Variants in NSD2 observed in about 807,000 individuals in gnomAD.
NSD2 encodes the protein nuclear receptor binding SET domain protein 2.
NSD2 carries 12 observed loss-of-function variants against 139.0 expected under a neutral mutation model. The ratio of observed to expected loss-of-function variants is 0.09; its 90% CI spans 0.06 to 0.14. The LOEUF (loss-of-function observed/expected upper bound fraction) is 0.14, where lower values mean the gene tolerates loss of function less well. Ranked by LOEUF, NSD2 falls within the 10% of genes least tolerant of loss-of-function variation. The pLI is 1.00. For synonymous variants in NSD2, 669 were observed against 648.7 expected (o/e 1.03, Z -0.48); for missense variants, 1,155 against 1,745.0 (o/e 0.66, Z 6.02).
At chr4:1,875,949 C>T (rs1013978019) in intron 1 of NSD2, among the ~76,000 whole-genome samples, 5 of 150,454 alleles carry the variant, frequency 3.3e-5, no homozygotes, top group African/African-American at 4.9e-5. Flanking sequence ...GGTGCGGTGG[C>T]TCAAGCTTGT....
chr4:1,882,893 A>T (rs915884002), intron 1 of NSD2, among the ~76,000 whole-genome samples: 2 of 152,134 alleles, frequency 1.3e-5, no homozygotes, highest in South Asian at 2.1e-4. Context: ...TGTGTCCTTC[A>T]TGTGATTCTG....
intron 1 of NSD2, among the ~76,000 whole-genome samples, chr4:1,871,792 A>C (rs1336916597): frequency 7.3e-6 from 1 of 137,236 alleles, no homozygotes; most frequent in African/African-American, 2.8e-5. Flanking sequence ...GGCCGGCGGG[A>C]GGACCGGGCG....
At position 1,979,767 on chromosome 4, in the gene NSD2, A is replaced by G. The variant is rs1156374244; in HGVS notation, c.*858A>G. ...CCAGTTTCTGATTTTTATTCTCAATATATTTTTGCTAAACCTATTTCACAA... is the reference window on the plus strand; with the variant it reads ...CCAGTTTCTGATTTTTATTCTCAATGTATTTTTGCTAAACCTATTTCACAA... On this transcript the variant is annotated 3_prime_UTR_variant, in exon 22 of 22. Coordinates refer to ENST00000508803, the MANE Select transcript of NSD2 (RefSeq NM_001042424.3). 1 of 231,992 alleles carries G rather than the reference A, an allele frequency of 4.3e-6. No homozygotes were observed. Among genetic ancestry groups the G allele is most frequent in the East Asian group, 6.1e-5 (1 of 16,448 alleles). The allele number at this position is 231,992 out of a possible 1,614,324, so 14.4% of individuals were successfully genotyped here.
At chr4:1,936,667 C>CAA (rs879590049) in intron 7 of NSD2, among the ~76,000 whole-genome samples, 78 of 52,200 alleles carry the variant, frequency 1.5e-3, no homozygotes, top group African/African-American at 2.3e-3. Flanking sequence ...GACTCCATCT[C>CAA]AAAAAAAAAA....
intron 21 of NSD2, among the ~76,000 whole-genome samples, chr4:1,977,790 CAAAAA>C (rs111398358): frequency 1.0e-5 from 1 of 96,082 alleles, no homozygotes; most frequent in Non-Finnish European, 2.2e-5. Flanking sequence ...AGACTCCACT[CAAAAA>C]AAAAAAAAAC....
chr4:1,905,838 C>G (rs1203939747), intron 3 of NSD2, among the ~76,000 whole-genome samples: 1 of 152,174 alleles, frequency 6.6e-6, no homozygotes, highest in Non-Finnish European at 1.5e-5. Context: ...GGATTCCTTT[C>G]CAAGGGGTTG....
At chr4:1,882,291 C>T (rs915610646) in intron 1 of NSD2, among the ~76,000 whole-genome samples, 3 of 152,160 alleles carry the variant, frequency 2.0e-5, no homozygotes, top group Non-Finnish European at 2.9e-5. Flanking sequence ...TGAGTGGAAG[C>T]GCTGAGACAC....
At chr4:1,951,341 T>A in intron 10 of NSD2, 138 bp downstream of exon 10, 2 of 1,258,410 alleles carry the variant, frequency 1.6e-6, no homozygotes, top group Non-Finnish European at 2.2e-6. Flanking sequence ...ATCTCTGTTT[T>A]GAAGGGGTCA....
Position 1,955,079 on chromosome 4 carries a change from G to A in NSD2, c.2339-82G>A. The A allele has an allele frequency of 7.2e-7, 1 of 1,395,600 alleles. No individual in the cohort carries two copies. Among genetic ancestry groups the A allele is most frequent in the Non-Finnish European group, 9.7e-7 (1 of 1,026,774 alleles). The allele number at this position is 1,395,600 out of a possible 1,614,324, so 86.5% of individuals were successfully genotyped here. ...AGCATTAACTTTTCAAATTCATGGAGGCTGAGTAATTATTAGTTGCTCTTT... is the reference window on the plus strand; with the variant it reads ...AGCATTAACTTTTCAAATTCATGGAAGCTGAGTAATTATTAGTTGCTCTTT... On this transcript the variant is annotated intron_variant, in intron 12 of 21. Transcript: ENST00000508803. This position sits in a 1 kb window ranked among gnomAD's most constrained non-coding sequence, Gnocchi z 4.7.
At chr4:1,952,510 C>T (rs530428721) in intron 11 of NSD2, among the ~76,000 whole-genome samples, 3 of 152,298 alleles carry the variant, frequency 2.0e-5, no homozygotes, top group East Asian at 1.9e-4. Context: ...CTTTTCATCC[C>T]GTGGGCTGGC....
In NSD2 at chr4:1,951,443, T is replaced by TCCAC. The variant is rs1310266241; in HGVS notation, c.2013+240_2013+241insCCAC. On this transcript the variant is annotated intron_variant, in intron 10 of 21. Transcript: ENST00000508803. ...TGAGATTTGTATACACATCATGTAA[T>TCCAC]ACACACACACACACACACACACACA... is the stretch of plus-strand genomic sequence containing the variant. Among the ~76,000 whole-genome samples, 506 of 101,074 alleles carry TCCAC rather than the reference T, an allele frequency of 5.0e-3. 155 individuals are homozygous for TCCAC. Among genetic ancestry groups the TCCAC allele is most frequent in the East Asian group, 0.016 (48 of 2,954 alleles). The allele number at this position is 101,074 out of a possible 152,430, so 66.3% of individuals were successfully genotyped here. A position where few individuals can be genotyped will look rare whatever the true frequency, so the allele number is the denominator to read the frequency against.
chr4:1,903,514 G>A (rs2108754394), intron 2 of NSD2, among the ~76,000 whole-genome samples: 1 of 152,286 alleles, frequency 6.6e-6, no homozygotes, highest in South Asian at 2.1e-4. Context: ...CACATGGGCT[G>A]CTGAGAACTG....
chr4:1,944,878 T>C, intron 9 of NSD2: 3 of 1,063,068 alleles, frequency 2.8e-6, no homozygotes, highest in Non-Finnish European at 3.4e-6. Flanking sequence ...CTGTCTTGAG[T>C]ATATATTTTA....
chr4:1,965,768 C>A (rs374034896), intron 18 of NSD2, among the ~76,000 whole-genome samples: 1 of 152,110 alleles, frequency 6.6e-6, no homozygotes, highest in East Asian at 1.9e-4. Flanking sequence ...TTGCACATGG[C>A]GGCAGGAGAG....
chr4:1,981,584 C>A lies in NSD2; in HGVS notation c.*2675C>A, dbSNP rs1358372764. On this transcript the variant is annotated 3_prime_UTR_variant, in exon 22 of 22. Transcript: ENST00000508803. ...AATGGGCAGCTTAAAATGTGGTCAC[C>A]TGTGGGGGAAACTCTTCAGGCACCT... is the stretch of plus-strand genomic sequence containing the variant. 1.4e-5 allele frequency: 5 copies of A among 353,850 alleles called. No individual in the cohort carries two copies. Among genetic ancestry groups the A allele is most frequent in the Non-Finnish European group, 2.5e-5 (5 of 197,994 alleles). The allele number at this position is 353,850 out of a possible 1,614,324, so 21.9% of individuals were successfully genotyped here.
intron 1 of NSD2, among the ~76,000 whole-genome samples, chr4:1,880,060 T>A (rs1260261552): frequency 6.6e-6 from 1 of 152,178 alleles, no homozygotes; most frequent in Non-Finnish European, 1.5e-5. Context: ...TCTGTTTTCC[T>A]AATGATTTTT....
At chr4:1,970,168 G>A (rs1245707752) in intron 18 of NSD2, among the ~76,000 whole-genome samples, 3 of 152,192 alleles carry the variant, frequency 2.0e-5, no homozygotes, top group African/African-American at 7.2e-5. Context: ...ATTGGGCGAC[G>A]TCGTAAGTAG....
chr4:1,971,545 TAGAA>T (rs1169260260), intron 18 of NSD2, among the ~76,000 whole-genome samples: 4 of 152,088 alleles, frequency 2.6e-5, no homozygotes, highest in Non-Finnish European at 5.9e-5. Flanking sequence ...ACAGAAACAA[TAGAA>T]ATAAATAAAT....
chr4:1,980,232 CCTAT>C lies in NSD2; in HGVS notation c.*1330_*1333del, dbSNP rs986247478. On this transcript the variant is annotated 3_prime_UTR_variant, in exon 22 of 22. Coordinates refer to ENST00000508803, the MANE Select transcript of NSD2 (RefSeq NM_001042424.3). ...AAAGGTCCAGTTCTACAGAGTGAGACCTATCTATCTGAGTACTACATATGTTTTA... is the reference window on the plus strand; with the variant it reads ...AAAGGTCCAGTTCTACAGAGTGAGACCTATCTGAGTACTACATATGTTTTA... The C allele has an allele frequency of 2.0e-4, 46 of 233,188 alleles. No homozygotes were observed. The highest frequency in any genetic ancestry group is 5.7e-4 in the African/African-American group (26 of 45,438). 14.4% of individuals were successfully genotyped at this position (233,188 alleles called of 1,614,324 possible). A position where few individuals can be genotyped will look rare whatever the true frequency, so the allele number is the denominator to read the frequency against.
Sources: allele counts gnomAD v4.1 joint callset (sites outside exome capture counted in the v4.1 genomes callset), GRCh38; gene constraint gnomAD v4.1.1; non-coding constraint Gnocchi (gnomAD v3.1); transcripts MANE v1.5; gene names NCBI Gene and HGNC (gene_info 2026-07-23, HGNC 2026-07-21).